The following SPATA20 variants were observed in gnomAD, a reference collection of about 807,000 sequenced individuals.
SPATA20 encodes the protein spermatogenesis associated 20.
Under a neutral mutation model 98.9 loss-of-function variants are expected in SPATA20, and 74 were observed. The ratio of observed to expected loss-of-function variants is 0.75; its 90% CI spans 0.62 to 0.91. The LOEUF is 0.91. Among genes scored for constraint, SPATA20 ranks in the 40% least tolerant of loss-of-function variants. SPATA20 has a pLI of 0.00. For synonymous variants in SPATA20, 430 were observed against 440.5 expected, an observed-to-expected ratio of 0.98 and a Z score of 0.30; for missense variants, 1,016 against 1,069.8, an observed-to-expected ratio of 0.95 and a Z score of 0.70.
intron 12 of SPATA20, 152 bp from the exon 13 acceptor site, chr17:50,551,359 G>A (rs2035012576): frequency 8.4e-7 from 1 of 1,197,054 alleles, no homozygotes; most frequent in Non-Finnish European, 1.2e-6. Context: ...CACGCGCAAG[G>A]GCTGGGAACC....
rs538910572 is a variant in SPATA20, at chr17:50,555,726, C to T, written c.*64C>T. ...ATCCCAACTGACTAGAGACTCAGGC[C>T]CTGCAGGGCCCTATAGAACCTGTGG... On this transcript the variant is annotated 3_prime_UTR_variant, in exon 17 of 17. Coordinates refer to ENST00000006658, the MANE Select transcript of SPATA20 (RefSeq NM_022827.4). 2.1e-6 allele frequency: 3 copies of T among 1,453,438 alleles called. No individual in the cohort carries two copies. The highest frequency in any genetic ancestry group is 2.5e-5 in the South Asian group (2 of 79,804). The allele number at this position is 1,453,438 out of a possible 1,614,324, so 90.0% of individuals were successfully genotyped here. A position where few individuals can be genotyped will look rare whatever the true frequency, so the allele number is the denominator to read the frequency against.
At position 50,552,161 on chromosome 17, in the gene SPATA20, G is replaced by A. The variant is rs1325855211; in HGVS notation, c.1938G>A (p.Leu646=). The A allele has an allele frequency of 1.2e-6, 2 of 1,613,622 alleles. No homozygotes were observed. Among genetic ancestry groups the A allele is most frequent in the South Asian group, 1.1e-5 (1 of 91,070 alleles). ...GTGAGGCTGAGCTGGGGGCTGGCCTGCCCCTGCGTCTGAAGGACGGTCAGT... is the reference window on the plus strand; with the variant it reads ...GTGAGGCTGAGCTGGGGGCTGGCCTACCCCTGCGTCTGAAGGACGGTCAGT... ...FCSEAELGAG[L]PLRLKDDQDG... is the part of the protein sequence containing the mutation. The change falls in exon 14 of 17, where the codon CTG becomes CTA. Residue 646 remains leucine, a synonymous_variant. Transcript: ENST00000006658.
chr17:50,555,303 T>G lies in SPATA20; in HGVS notation c.2229T>G (p.Ile743Met). ...ALVQCVHSVY[I>M]PNKVLILADG... ...TGCAGTGCGTCCACTCTGTCTACATTCCTAACAAGGTACCCATCCCTGTGA... is the reference window on the plus strand; with the variant it reads ...TGCAGTGCGTCCACTCTGTCTACATGCCTAACAAGGTACCCATCCCTGTGA... The change falls in exon 16 of 17, where the codon ATT becomes ATG. Residue 743 changes from isoleucine (I) to methionine (M), a missense_variant. Ile to Met is a conservative substitution (Grantham distance 10, BLOSUM62 1). Coordinates refer to ENST00000006658, the MANE Select transcript of SPATA20 (RefSeq NM_022827.4). 1 of 1,613,928 alleles carries G rather than the reference T, an allele frequency of 6.2e-7. No homozygotes were observed. Among genetic ancestry groups the G allele is most frequent in the East Asian group, 2.2e-5 (1 of 44,874 alleles).
In SPATA20 at chr17:50,549,450, C is replaced by T. The variant is rs144318563; in HGVS notation, c.825C>T (p.Tyr275=). 146 of 1,612,412 alleles carry T rather than the reference C, an allele frequency of 9.1e-5. No individual in the cohort carries two copies. The highest frequency in any genetic ancestry group is 3.3e-4 in the Middle Eastern group (2 of 6,062). Residue 275 remains tyrosine (Y), a synonymous_variant, in exon 7 of 17, where the codon TAC becomes TAT. Coordinates refer to ENST00000006658, the MANE Select transcript of SPATA20 (RefSeq NM_022827.4). ...TGGATGAGGGCTATGATGAGGAATA[C>T]GGTGGCTTCGCTGAGGCCCCCAAGT... ...QQLDEGYDEE[Y]GGFAEAPKFP... is the part of the protein sequence containing the mutation.
At position 50,553,034 on chromosome 17, in the gene SPATA20, G is replaced by T. The variant is rs1374523534; in HGVS notation, c.1957+854G>T. 2.0e-5 allele frequency among the ~76,000 whole-genome samples: 3 copies of T among 152,348 alleles called. No individual in the cohort carries two copies. The East Asian group carries it at 5.8e-4, about 29-fold the overall frequency. On this transcript the variant is annotated intron_variant, in intron 14 of 16. Coordinates refer to ENST00000006658, the MANE Select transcript of SPATA20 (RefSeq NM_022827.4). Reference sequence around the variant, plus strand: ...AGCTTACAGTATGGTAGGGGAGACAGCGAAAATGCAGTAATGATGCAAAAA... The same window carrying T: ...AGCTTACAGTATGGTAGGGGAGACATCGAAAATGCAGTAATGATGCAAAAA...
In SPATA20 at chr17:50,551,552, G is replaced by A. The variant is rs746297253; in HGVS notation, c.1618G>A (p.Gly540Ser). The A allele has an allele frequency of 1.3e-5, 21 of 1,604,666 alleles. No individual in the cohort carries two copies. In the South Asian group the frequency reaches 2.3e-4, roughly 18 times the overall value. ...SGYAVTGAVL[G>S]QDRLINYATN... is the part of the protein sequence containing the mutation. ...CTATGCTGTGACTGGGGCTGTCCTGGGCCAAGACAGGCTGATCAACTATGC... is the reference window on the plus strand; with the variant it reads ...CTATGCTGTGACTGGGGCTGTCCTGAGCCAAGACAGGCTGATCAACTATGC... Residue 540 changes from glycine to serine, a missense_variant, in exon 13 of 17, where the codon GGC becomes AGC. Physicochemically the swap from Gly to Ser is moderately conservative, Grantham distance 56. Coordinates refer to ENST00000006658, the MANE Select transcript of SPATA20 (RefSeq NM_022827.4).
rs1597867456 is a variant in SPATA20, at chr17:50,547,357, A to G, written c.77+72A>G. 3.1e-6 allele frequency: 4 copies of G among 1,291,332 alleles called. No individual in the cohort carries two copies. In the East Asian group the frequency reaches 7.7e-5, roughly 25 times the overall value. 80.0% of individuals were successfully genotyped at this position (1,291,332 alleles called of 1,614,324 possible). A position where few individuals can be genotyped will look rare whatever the true frequency, so the allele number is the denominator to read the frequency against. ...GCGGGCCCAGTGGAGGGTCTTCCGG[A>G]CACCGGTCCCCAGTGCCAGTCTGGA... On this transcript the variant is annotated intron_variant, in intron 1 of 16. Transcript: ENST00000006658.
intron 15 of SPATA20, among the ~76,000 whole-genome samples, chr17:50,554,708 G>A (rs1012813286): frequency 3.3e-5 from 5 of 152,114 alleles, no homozygotes; most frequent in African/African-American, 9.7e-5. Flanking sequence ...GTGTACTTCC[G>A]GGTGTGTGTG....
Position 50,549,179 on chromosome 17 carries a change from G to A in SPATA20, c.653G>A (p.Arg218Gln), listed in dbSNP as rs1287020283. The change falls in exon 6 of 17, where the codon CGA becomes CAA. Residue 218 changes from arginine to glutamine, a missense_variant. Transcript: ENST00000006658. ...VGFRTVLLRI[R>Q]EQWKQNKNTL... ...TTCCGCACAGTGTTGCTGAGAATAC[G>A]AGAACAGGTGGGTGTGCCTCCGGGA... 1.1e-5 allele frequency: 17 copies of A among 1,595,556 alleles called. No homozygotes were observed. Among genetic ancestry groups the A allele is most frequent in the Admixed American group, 1.7e-5 (1 of 59,396 alleles).
intron 4 of SPATA20, 32 bp from the exon 5 acceptor site, chr17:50,548,778 G>T (rs371035258): frequency 1.5e-5 from 24 of 1,600,044 alleles, no homozygotes; most frequent in Non-Finnish European, 2.0e-5. Context: ...CCCGTTGCTG[G>T]CCCCCTGACC....
chr17:50,549,340 C>T lies in SPATA20; in HGVS notation c.715C>T (p.Leu239=), dbSNP rs779459894. 14 of 1,612,668 alleles carry T rather than the reference C, an allele frequency of 8.7e-6. No individual in the cohort carries two copies. Among genetic ancestry groups the T allele is most frequent in the Non-Finnish European group, 1.2e-5 (14 of 1,180,008 alleles). The stretch of plus-strand genomic sequence containing the variant: ...AAATAGCCAGCGTGTCACCACTGCC[C>T]TGCTGGCCCGATCAGAGATCAGCGT... ...LENSQRVTTA[L]LARSEISVGD... is the part of the protein sequence containing the mutation. Residue 239 remains leucine (L), a synonymous_variant, in exon 7 of 17, where the codon CTG becomes TTG. Coordinates refer to ENST00000006658, the MANE Select transcript of SPATA20 (RefSeq NM_022827.4).
chr17:50,551,763 A>C (rs980571524), intron 13 of SPATA20, 84 bp downstream of exon 13: 1 of 1,439,604 alleles, frequency 6.9e-7, no homozygotes, highest in African/African-American at 1.4e-5. Flanking sequence ...CTCCATGTGG[A>C]CTCCAGTCCT....
At chr17:50,547,915 AT>A (rs1425722806) in intron 2 of SPATA20, 148 bp downstream of exon 2, 2 of 1,456,818 alleles carry the variant, frequency 1.4e-6, no homozygotes, top group Non-Finnish European at 1.9e-6. Flanking sequence ...TGCCAGAGAG[AT>A]GCCTCCAAGC....
rs558831067 is a variant in SPATA20 at position 50,550,459 on chromosome 17, C to T, written c.1099-77C>T. The stretch of plus-strand genomic sequence containing the variant: ...CCAGGCTTCCCTCCCCCGCCTGCCT[C>T]AGAGAATGTTGCCACCTTCCACCTG... On this transcript the variant is annotated intron_variant, in intron 9 of 16. Transcript: ENST00000006658. 1.4e-4 allele frequency: 213 copies of T among 1,485,164 alleles called. 4 individuals are homozygous for T. In the Admixed American group the frequency reaches 1.9e-3, roughly 13 times the overall value. The allele number at this position is 1,485,164 out of a possible 1,614,324, so 92.0% of individuals were successfully genotyped here.
intron 14 of SPATA20, 65 bp from the exon 15 acceptor site, chr17:50,554,186 G>C: frequency 6.7e-7 from 1 of 1,489,018 alleles, no homozygotes; most frequent in Non-Finnish European, 9.3e-7. Flanking sequence ...ATACAGTCCT[G>C]GGCAGGGTCC....
rs1242404863 is a variant in SPATA20 at position 50,555,643 on chromosome 17, G to A, written c.2390G>A (p.Arg797Gln). The change falls in exon 17 of 17, where the codon CGA (arginine) becomes CAA (glutamine). Residue 797 changes from arginine to glutamine, a missense_variant. Coordinates refer to ENST00000006658, the MANE Select transcript of SPATA20 (RefSeq NM_022827.4). Reference protein sequence around the residue: ...SVPITDPCELRKLLHP With the variant: ...SVPITDPCELQKLLHP ...CCCATCACTGATCCCTGCGAATTAC[G>A]AAAACTACTACATCCATGACTGCCC... 30 of 1,613,764 alleles carry A rather than the reference G, an allele frequency of 1.9e-5. No homozygotes were observed. Among genetic ancestry groups the A allele is most frequent in the East Asian group, 2.2e-5 (1 of 44,876 alleles).
In SPATA20 at chr17:50,550,876, C is replaced by T; in HGVS notation, c.1342C>T (p.His448Tyr). The change falls in exon 11 of 17, where the codon CAC (histidine) becomes TAC (tyrosine). Residue 448 changes from histidine to tyrosine, a missense_variant. Coordinates refer to ENST00000006658, the MANE Select transcript of SPATA20 (RefSeq NM_022827.4). ...GACCTCAGGCCAGCTCCTCATGAAGCACTACGGCCTCACAGAGGCTGGTAA... is the reference window on the plus strand; with the variant it reads ...GACCTCAGGCCAGCTCCTCATGAAGTACTACGGCCTCACAGAGGCTGGTAA... ...PLTSGQLLMK[H>Y]YGLTEAGNIS... 1 of 1,613,130 alleles carries T rather than the reference C, an allele frequency of 6.2e-7. No homozygotes were observed. The highest frequency in any genetic ancestry group is 8.5e-7 in the Non-Finnish European group (1 of 1,180,024).
Position 50,548,291 on chromosome 17 carries a change from C to T in SPATA20, c.134C>T (p.Ser45Phe), listed in dbSNP as rs149140396. Residue 45 changes from serine to phenylalanine, a missense_variant, in exon 3 of 17, where the codon TCC becomes TTC. Ser to Phe is a radical substitution (Grantham distance 155). Transcript: ENST00000006658. ...WPHRSPSRGSSSRDKDRSATV... is the reference protein window; with the variant it reads ...WPHRSPSRGSFSRDKDRSATV... Reference sequence around the variant, plus strand: ...GCACCAGTCCTCGCCAGGGGTAGCTCCTCCCGGGACAAGGACCGAAGTGCG... The same window carrying T: ...GCACCAGTCCTCGCCAGGGGTAGCTTCTCCCGGGACAAGGACCGAAGTGCG... 1.2e-6 allele frequency: 2 copies of T among 1,613,218 alleles called. No individual in the cohort carries two copies. The highest frequency in any genetic ancestry group is 2.7e-5 in the African/African-American group (2 of 74,866).
At position 50,554,292 on chromosome 17, in the gene SPATA20, C is replaced by G; in HGVS notation, c.1999C>G (p.His667Asp). Residue 667 changes from histidine to aspartate, a missense_variant, in exon 15 of 17, where the codon CAC becomes GAC. Coordinates refer to ENST00000006658, the MANE Select transcript of SPATA20 (RefSeq NM_022827.4). ...GCCCAGCGCCAATTCCGTGTCAGCC[C>G]ACAACCTGCTCCGGCTGCATGGCTT... ...AEPSANSVSA[H>D]NLLRLHGFTG... 1 of 1,614,216 alleles carries G rather than the reference C, an allele frequency of 6.2e-7. No individual in the cohort carries two copies. The highest frequency in any genetic ancestry group is 1.1e-5 in the South Asian group (1 of 91,086).
Sources: gnomAD v4.1 joint callset for allele counts (sites outside exome capture counted in the v4.1 genomes callset) on GRCh38, gnomAD v4.1.1 for gene constraint, MANE v1.5 for transcripts, NCBI Gene and HGNC (gene_info 2026-07-23, HGNC 2026-07-21) for gene names.